The following CD47 variants were observed in gnomAD, a reference collection of about 807,000 sequenced individuals.
CD47 encodes the protein CD47 molecule.
In CD47, 11 loss-of-function variants were observed where a neutral mutation model predicts 44.6. That is an observed-to-expected ratio of 0.25 (90% CI 0.16 to 0.41). The LOEUF (loss-of-function observed/expected upper bound fraction) is 0.41. CD47 is among the 10% of genes least tolerant of loss of function. The pLI is 1.00. For synonymous variants in CD47, 140 were observed against 136.3 expected, an observed-to-expected ratio of 1.03 and a Z score of -0.19; for missense variants, 306 against 386.7, an observed-to-expected ratio of 0.79 and a Z score of 1.75.
intron 8 of CD47, among the ~76,000 whole-genome samples, chr3:108,051,246 T>A (rs1031664016): frequency 6.6e-6 from 1 of 152,212 alleles, no homozygotes; most frequent in African/African-American, 2.4e-5. Context: ...GGAAGCTAAG[T>A]ACAATATAAT....
chr3:108,045,207 G>A lies in CD47; in HGVS notation c.*2081C>T, dbSNP rs890390177. 2.0e-5 allele frequency: 3 copies of A among 152,490 alleles called. No individual in the cohort carries two copies. The highest frequency in any genetic ancestry group is 4.4e-5 in the Non-Finnish European group (3 of 68,000). 9.4% of individuals were successfully genotyped at this position (152,490 alleles called of 1,614,324 possible). A position where few individuals can be genotyped will look rare whatever the true frequency, so the allele number is the denominator to read the frequency against. ...CAATGGATGGATGAGATCCAAGAGCGAACCCCAAATAAATGAGAGTTTACT... is the reference window on the plus strand; with the variant it reads ...CAATGGATGGATGAGATCCAAGAGCAAACCCCAAATAAATGAGAGTTTACT... On this transcript the variant is annotated 3_prime_UTR_variant, in exon 11 of 11. Transcript: ENST00000361309.
At chr3:108,069,582 T>C (rs1281931376) in intron 3 of CD47, among the ~76,000 whole-genome samples, 1 of 151,868 alleles carries the variant, frequency 6.6e-6, no homozygotes, top group Non-Finnish European at 1.5e-5. Context: ...TATGACTTTT[T>C]TAAGTCAGAA....
intron 5 of CD47, among the ~76,000 whole-genome samples, chr3:108,058,925 C>T (rs2078964262): frequency 6.6e-6 from 1 of 152,116 alleles, no homozygotes; most frequent in Admixed American, 6.5e-5. Flanking sequence ...ATAGTAATAA[C>T]TAAATATGGT....
Position 108,080,069 on chromosome 3 carries a change from G to A in CD47, c.322C>T (p.His108Tyr). The A allele has an allele frequency of 1.2e-6, 2 of 1,612,984 alleles. No individual in the cohort carries two copies. The highest frequency in any genetic ancestry group is 1.7e-6 in the Non-Finnish European group (2 of 1,179,174). ...ACTTCACAAGTGTAGTTTCCTGTGT[G>A]TGAGACAGCATCACTCTTATCCATC... is the stretch of plus-strand genomic sequence containing the variant. Reference protein sequence around the residue: ...LKMDKSDAVSHTGNYTCEVTE... With the variant: ...LKMDKSDAVSYTGNYTCEVTE... The change falls in exon 2 of 11, where the codon CAC (histidine) becomes TAC (tyrosine). Residue 108 changes from histidine to tyrosine, a missense_variant. His to Tyr is a moderately conservative substitution (Grantham distance 83, BLOSUM62 2). Around this residue, in one of 5 missense-constraint regions of CD47, gnomAD observed 47 missense variants for 36.2 expected, o/e 1.30. Transcript: ENST00000361309.
chr3:108,051,690 T>C (rs1576986909), intron 8 of CD47: 1 of 606,638 alleles, frequency 1.6e-6, no homozygotes, highest in East Asian at 3.8e-5. Context: ...ATTCCTACTT[T>C]CCAGTTTTGG....
At chr3:108,077,294 A>G (rs1421759094) in intron 2 of CD47, among the ~76,000 whole-genome samples, 1 of 152,168 alleles carries the variant, frequency 6.6e-6, no homozygotes, top group Non-Finnish European at 1.5e-5. Flanking sequence ...ACTCCATAGT[A>G]AGAGTCCTGC....
At chr3:108,053,770 T>C (rs1001976550) in intron 7 of CD47, 1 of 152,200 alleles carries the variant, frequency 6.6e-6, no homozygotes, top group Non-Finnish European at 1.5e-5. Context: ...TCCCTTACTG[T>C]GGAGGAACCT....
At chr3:108,053,972 T>C (rs1463450685) in intron 7 of CD47, 2 of 152,254 alleles carry the variant, frequency 1.3e-5, no homozygotes, top group Non-Finnish European at 2.9e-5. Flanking sequence ...CCATGCCTTA[T>C]ATCTATGTTC....
rs138030754 is a variant in CD47, at chr3:108,050,524, G to A, written c.934+54C>T. On this transcript the variant is annotated intron_variant, in intron 9 of 10. Transcript: ENST00000361309. Reference sequence around the variant, plus strand: ...AGACAGGGCATTCTAACTGTTTTGCGGGCCAGATCAAATTATGATCTGGTA... The same window carrying A: ...AGACAGGGCATTCTAACTGTTTTGCAGGCCAGATCAAATTATGATCTGGTA... 40 of 815,400 alleles carry A rather than the reference G, an allele frequency of 4.9e-5. 1 individual carries two copies. The East Asian group carries it at 8.4e-4, about 17-fold the overall frequency. The allele number at this position is 815,400 out of a possible 1,614,324, so 50.5% of individuals were successfully genotyped here.
chr3:108,061,126 T>C (rs1359135763), intron 3 of CD47, among the ~76,000 whole-genome samples: 1 of 151,302 alleles, frequency 6.6e-6, no homozygotes, highest in African/African-American at 2.4e-5. Flanking sequence ...TCGGTTGATG[T>C]ATTACTAATA....
intron 1 of CD47, among the ~76,000 whole-genome samples, chr3:108,085,553 T>G (rs1204334193): frequency 1.3e-5 from 2 of 152,178 alleles, no homozygotes; most frequent in African/African-American, 2.4e-5. Flanking sequence ...TGTTCAATCT[T>G]GTTCCCCTTC....
chr3:108,078,451 T>A (rs75693897), intron 2 of CD47, among the ~76,000 whole-genome samples: 113 of 152,148 alleles, frequency 7.4e-4, no homozygotes, highest in African/African-American at 2.6e-3. Context: ...CTCAGTGACC[T>A]GCATTACCCC....
intron 9 of CD47, 89 bp from the exon 10 acceptor site, chr3:108,049,740 A>G (rs761065750): frequency 2.4e-5 from 21 of 876,090 alleles, no homozygotes; most frequent in African/African-American, 5.0e-5. Flanking sequence ...ATGATATGCT[A>G]ACTAGTCTAC....
At chr3:108,047,502 A>G (rs947588117) in intron 10 of CD47, among the ~76,000 whole-genome samples, 4 of 152,230 alleles carry the variant, frequency 2.6e-5, no homozygotes, top group Non-Finnish European at 2.9e-5. Flanking sequence ...TAAAAAATCA[A>G]CAGAGTCTGA....
At chr3:108,073,285 A>C (rs2079244023) in intron 2 of CD47, among the ~76,000 whole-genome samples, 2 of 151,810 alleles carry the variant, frequency 1.3e-5, no homozygotes, top group South Asian at 4.1e-4. Flanking sequence ...ATTAATATTA[A>C]TTTGAATATA....
chr3:108,088,029 T>C (rs1057393965), intron 1 of CD47, among the ~76,000 whole-genome samples: 9 of 152,188 alleles, frequency 5.9e-5, no homozygotes, highest in African/African-American at 2.2e-4. Context: ...AGTAACTTTA[T>C]GATAACCCAA....
Position 108,086,278 on chromosome 3 carries a change from T to C in CD47, c.46+4585A>G, listed in dbSNP as rs538062218. Among the ~76,000 whole-genome samples, 10 of 141,068 alleles carry C rather than the reference T, an allele frequency of 7.1e-5. No individual in the cohort carries two copies. The South Asian group carries it at 2.3e-3, about 32-fold the overall frequency. 92.5% of individuals were successfully genotyped at this position (141,068 alleles called of 152,430 possible). A position where few individuals can be genotyped will look rare whatever the true frequency, so the allele number is the denominator to read the frequency against. On this transcript the variant is annotated intron_variant, in intron 1 of 10. Transcript: ENST00000361309. ...ATTAAAAAAAAAACATTGACAGCAG[T>C]GTAAAGGAAGGACTGAGGGCAGCAA...
At chr3:108,069,517 T>G (rs1210158504) in intron 3 of CD47, among the ~76,000 whole-genome samples, 3 of 151,742 alleles carry the variant, frequency 2.0e-5, no homozygotes, top group South Asian at 4.2e-4. Context: ...ATGAGTTTTT[T>G]TTTTTTTTTT....
chr3:108,079,567 TAAAA>T (rs71629342), intron 2 of CD47, among the ~76,000 whole-genome samples: 3 of 53,100 alleles, frequency 5.6e-5, no homozygotes, highest in Admixed American at 2.4e-4. Context: ...AGTGTAAGGT[TAAAA>T]AAAAAAAAAA....
Sources: gnomAD v4.1 joint callset for allele counts (sites outside exome capture counted in the v4.1 genomes callset) on GRCh38, gnomAD v4.1.1 for gene constraint, gnomAD v4.1.1 regional missense constraint, MANE v1.5 for transcripts, NCBI Gene and HGNC (gene_info 2026-07-23, HGNC 2026-07-21) for gene names.